Variants in MICU1 observed in about 807,000 individuals in gnomAD.
MICU1 encodes calcium uptake protein 1, mitochondrial.
MICU1 carries 45 observed loss-of-function variants against 56.8 expected under a neutral mutation model. The observed-to-expected ratio is 0.79, with a 90% CI of 0.62 to 1.02. The LOEUF (loss-of-function observed/expected upper bound fraction) is 1.02, where lower values mean the gene tolerates loss of function less well. MICU1 is among the 50% of genes least tolerant of loss of function. The pLI is 0.00. For synonymous variants in MICU1, 186 were observed against 195.1 expected, an observed-to-expected ratio of 0.95 and a Z score of 0.39; for missense variants, 504 against 587.1, an observed-to-expected ratio of 0.86 and a Z score of 1.46.
At chr10:72,408,939 GA>G (rs1026963091) in intron 9 of MICU1, among the ~76,000 whole-genome samples, 9 of 152,168 alleles carry the variant, frequency 5.9e-5, no homozygotes, top group Non-Finnish European at 1.5e-5. Context: ...TGTGAATGAA[GA>G]TTTTTTTTTC....
intron 1 of MICU1, among the ~76,000 whole-genome samples, chr10:72,578,081 A>T (rs1446034564): frequency 6.6e-6 from 1 of 152,162 alleles, no homozygotes; most frequent in African/African-American, 2.4e-5. Flanking sequence ...TTTGTGAAAG[A>T]AAAAGTCTAT....
intron 6 of MICU1, among the ~76,000 whole-genome samples, chr10:72,495,744 T>C (rs1279629668): frequency 1.3e-5 from 2 of 151,986 alleles, no homozygotes; most frequent in East Asian, 3.9e-4. Flanking sequence ...TGACACTCTT[T>C]AGATGTGACT....
At chr10:72,547,344 T>G (rs1839921512) in intron 4 of MICU1, among the ~76,000 whole-genome samples, 2 of 152,078 alleles carry the variant, frequency 1.3e-5, no homozygotes, top group Admixed American at 1.3e-4. Flanking sequence ...CAGCCAATGC[T>G]CTAAATTAAA....
chr10:72,437,612 A>G (rs558231420), intron 8 of MICU1, among the ~76,000 whole-genome samples: 3 of 151,486 alleles, frequency 2.0e-5, no homozygotes, highest in African/African-American at 7.4e-5. Flanking sequence ...CAAATTGGAT[A>G]AAGAGTCAAG....
chr10:72,372,761 G>C (rs1286077409), intron 11 of MICU1, among the ~76,000 whole-genome samples: 1 of 152,040 alleles, frequency 6.6e-6, no homozygotes, highest in Non-Finnish European at 1.5e-5. Context: ...AGAATCACTT[G>C]AACCCAGGAG....
chr10:72,556,818 C>T (rs1335224334), intron 3 of MICU1, among the ~76,000 whole-genome samples: 1 of 151,920 alleles, frequency 6.6e-6, no homozygotes, highest in East Asian at 1.9e-4. Flanking sequence ...GTAATCCCAG[C>T]ACTTTGGGAG....
chr10:72,503,348 G>A (rs1867138399), intron 6 of MICU1, among the ~76,000 whole-genome samples: 1 of 152,154 alleles, frequency 6.6e-6, no homozygotes. Context: ...ATAAACAAGT[G>A]GTTCTCAGAC....
intron 11 of MICU1, among the ~76,000 whole-genome samples, chr10:72,369,689 TG>T (rs1039582913): frequency 6.8e-6 from 1 of 148,036 alleles, no homozygotes; most frequent in Non-Finnish European, 1.5e-5. Flanking sequence ...GGAGAGCATC[TG>T]TTTTTTTTTT....
chr10:72,562,251 T>C (rs1472749669), intron 3 of MICU1, among the ~76,000 whole-genome samples: 4 of 138,464 alleles, frequency 2.9e-5, no homozygotes, highest in Admixed American at 8.4e-5. Flanking sequence ...CCTCCCGGGT[T>C]CAAGCAATTC....
intron 8 of MICU1, among the ~76,000 whole-genome samples, chr10:72,453,828 G>C (rs1865371151): frequency 6.7e-6 from 1 of 149,882 alleles, no homozygotes; most frequent in Non-Finnish European, 1.5e-5. Flanking sequence ...ACCGCGCCTG[G>C]CCTACTTTAT....
At chr10:72,404,432 GA>G (rs1863563344) in intron 10 of MICU1, among the ~76,000 whole-genome samples, 1 of 152,162 alleles carries the variant, frequency 6.6e-6, no homozygotes, top group Non-Finnish European at 1.5e-5. Context: ...GGTATGAGCA[GA>G]AATCAACTCA....
At chr10:72,583,650 A>G (rs1458140749) in intron 1 of MICU1, among the ~76,000 whole-genome samples, 1 of 152,210 alleles carries the variant, frequency 6.6e-6, no homozygotes, top group Non-Finnish European at 1.5e-5. Flanking sequence ...TATTCGAGGA[A>G]TGGGATAAGC....
intron 6 of MICU1, among the ~76,000 whole-genome samples, chr10:72,504,685 C>T (rs748265661): frequency 2.6e-5 from 4 of 152,074 alleles, no homozygotes; most frequent in Admixed American, 6.5e-5. Context: ...ACAAAGTAAA[C>T]AGACAAACTA....
intron 6 of MICU1, among the ~76,000 whole-genome samples, chr10:72,479,032 T>C (rs1395455497): frequency 6.6e-6 from 1 of 152,236 alleles, no homozygotes; most frequent in South Asian, 2.1e-4. Flanking sequence ...TACATTTTAC[T>C]GAGGAGTTAC....
chr10:72,625,546 T>C (rs1842207293), intron 1 of MICU1, among the ~76,000 whole-genome samples: 1 of 152,234 alleles, frequency 6.6e-6, no homozygotes, highest in African/African-American at 2.4e-5. Context: ...TATTTCTCCT[T>C]TGAGTCCTCA....
chr10:72,405,796 C>G (rs1564849309), intron 10 of MICU1, among the ~76,000 whole-genome samples: 1 of 151,890 alleles, frequency 6.6e-6, no homozygotes, highest in African/African-American at 2.4e-5. Context: ...AATACAGGAG[C>G]CATTGATGAC....
intron 1 of MICU1, among the ~76,000 whole-genome samples, chr10:72,569,515 G>GT (rs1840554336): frequency 6.6e-6 from 1 of 151,680 alleles, no homozygotes; most frequent in Admixed American, 6.6e-5. Flanking sequence ...GATTACAGGC[G>GT]TGAGCCACCA....
At chr10:72,524,729 C>T (rs1160872208) in intron 5 of MICU1, 1 of 1,231,706 alleles carries the variant, frequency 8.1e-7, no homozygotes, top group African/African-American at 1.6e-5. Flanking sequence ...GCTGCTGAGT[C>T]AGTACCTGCC....
intron 9 of MICU1, among the ~76,000 whole-genome samples, chr10:72,422,813 T>C (rs1236643623): frequency 7.2e-6 from 1 of 138,414 alleles, no homozygotes; most frequent in South Asian, 2.3e-4. Flanking sequence ...TGGTTTCAAG[T>C]GATTCTTGTG....
Sources: allele counts gnomAD v4.1 joint callset (sites outside exome capture counted in the v4.1 genomes callset), GRCh38; gene constraint gnomAD v4.1.1; transcripts MANE v1.5; gene names NCBI Gene and HGNC (gene_info 2026-07-23, HGNC 2026-07-21).